Variants in PYGL observed in about 807,000 individuals in gnomAD.
The protein encoded by PYGL is glycogen phosphorylase L, also known as glycogen phosphorylase, liver form.
A neutral mutation model predicts 100.1 loss-of-function variants in PYGL; 90 were observed. The observed-to-expected ratio is 0.90, with a 90% CI of 0.76 to 1.07. The LOEUF (loss-of-function observed/expected upper bound fraction) is 1.07. PYGL is among the 50% of genes least tolerant of loss of function. The pLI is 0.00. For missense variants in PYGL, 1,016 were observed against 1,057.6 expected (o/e 0.96, Z 0.55); for synonymous variants, 373 against 393.0 (o/e 0.95, Z 0.60).
intron 4 of PYGL, among the ~76,000 whole-genome samples, chr14:50,928,651 G>A (rs540035430): frequency 6.9e-6 from 1 of 144,960 alleles, no homozygotes; most frequent in East Asian, 2.1e-4. Flanking sequence ...ATTTCAGGGG[G>A]TGCACGATGA....
intron 2 of PYGL, among the ~76,000 whole-genome samples, chr14:50,936,821 G>A (rs1214047449): frequency 2.0e-5 from 3 of 151,968 alleles, no homozygotes; most frequent in African/African-American, 7.3e-5. Flanking sequence ...TATAAATTTT[G>A]AGCAAGTAGA....
chr14:50,935,090 C>T lies in PYGL; in HGVS notation c.424+17G>A, dbSNP rs2050642391. Reference sequence around the variant, plus strand: ...TCAATCGGCCAGACAATATAATACACTCACAATGTCACTTACCAGCAAGTC... The same window carrying T: ...TCAATCGGCCAGACAATATAATACATTCACAATGTCACTTACCAGCAAGTC... On this transcript the variant is annotated intron_variant, in intron 3 of 19. Transcript: ENST00000216392. The T allele has an allele frequency of 6.3e-7, 1 of 1,592,316 alleles. No individual in the cohort carries two copies. Among genetic ancestry groups the T allele is most frequent in the Admixed American group, 1.7e-5 (1 of 59,992 alleles).
At chr14:50,919,193 AGG>A (rs2050479373) in intron 7 of PYGL, among the ~76,000 whole-genome samples, 1 of 152,232 alleles carries the variant, frequency 6.6e-6, no homozygotes, top group South Asian at 2.1e-4. Flanking sequence ...TACTGAAGAC[AGG>A]AGGATGAATT....
intron 5 of PYGL, chr14:50,921,457 A>G (rs1464344227): frequency 5.5e-6 from 1 of 183,260 alleles, no homozygotes; most frequent in African/African-American, 2.4e-5. Flanking sequence ...GCAGTGGTGC[A>G]ATCTCGGCTC....
intron 17 of PYGL, among the ~76,000 whole-genome samples, chr14:50,909,411 A>G (rs1289855072): frequency 6.6e-6 from 1 of 152,208 alleles, no homozygotes; most frequent in Non-Finnish European, 1.5e-5. Context: ...AGTACTCTTT[A>G]TTTTGTGCTT....
chr14:50,917,956 C>T (rs2050469019), intron 7 of PYGL, among the ~76,000 whole-genome samples: 1 of 152,052 alleles, frequency 6.6e-6, no homozygotes, highest in Non-Finnish European at 1.5e-5. Flanking sequence ...TGACTAATAT[C>T]CAGAATCTAC....
intron 2 of PYGL, among the ~76,000 whole-genome samples, chr14:50,936,488 A>G (rs2050654009): frequency 6.6e-6 from 1 of 152,192 alleles, no homozygotes; most frequent in Non-Finnish European, 1.5e-5. Flanking sequence ...AACACTCAGA[A>G]TTTTTAAATT....
chr14:50,916,530 G>T, intron 9 of PYGL, 112 bp downstream of exon 9: 2 of 988,020 alleles, frequency 2.0e-6, no homozygotes, highest in South Asian at 2.7e-5. Flanking sequence ...TTTAACTGTT[G>T]AAAGTTAGCA....
At chr14:50,944,026 G>T (rs962466118) in intron 1 of PYGL, 135 bp downstream of exon 1, 2 of 1,220,564 alleles carry the variant, frequency 1.6e-6, no homozygotes, top group Non-Finnish European at 2.3e-6. Context: ...GCCTAGACAC[G>T]TCTCCTCTGG....
At chr14:50,944,078 GT>G in intron 1 of PYGL, 82 bp downstream of exon 1, 1 of 1,484,636 alleles carries the variant, frequency 6.7e-7, no homozygotes, top group Non-Finnish European at 9.1e-7. Context: ...ACTCTGAGGG[GT>G]TCTCCACCTC....
intron 4 of PYGL, among the ~76,000 whole-genome samples, chr14:50,928,887 AT>A (rs2050578790): frequency 6.6e-6 from 1 of 152,146 alleles, no homozygotes; most frequent in Admixed American, 6.5e-5. Flanking sequence ...TTTTTATGGT[AT>A]GATATATTTT....
intron 2 of PYGL, among the ~76,000 whole-genome samples, chr14:50,936,285 C>T (rs1468123287): frequency 1.3e-5 from 2 of 152,106 alleles, no homozygotes; most frequent in African/African-American, 2.4e-5. Context: ...GTGGAAGATG[C>T]ACCAGTGCTT....
At chr14:50,917,525 G>A (rs1458459324) in intron 7 of PYGL, among the ~76,000 whole-genome samples, 1 of 152,218 alleles carries the variant, frequency 6.6e-6, no homozygotes, top group African/African-American at 2.4e-5. Context: ...GGGAAGAAGT[G>A]AAGGAAAAGG....
intron 3 of PYGL, among the ~76,000 whole-genome samples, chr14:50,934,406 G>T (rs2050633331): frequency 6.6e-6 from 1 of 152,056 alleles, no homozygotes; most frequent in Non-Finnish European, 1.5e-5. Context: ...ACAAGGATGT[G>T]AATTGAGAAG....
intron 4 of PYGL, among the ~76,000 whole-genome samples, chr14:50,925,673 C>G (rs1435059902): frequency 6.6e-6 from 1 of 152,192 alleles, no homozygotes; most frequent in Non-Finnish European, 1.5e-5. Context: ...TACAAGTTCA[C>G]TTATTCAAAT....
chr14:50,911,655 G>C, intron 16 of PYGL, 75 bp downstream of exon 16: 1 of 1,568,286 alleles, frequency 6.4e-7, no homozygotes, highest in East Asian at 2.2e-5. Context: ...CTGGAGGTTG[G>C]CTGCCCCATC....
intron 15 of PYGL, 34 bp downstream of exon 15, chr14:50,911,944 G>C: frequency 1.2e-6 from 2 of 1,612,686 alleles, no homozygotes; most frequent in Non-Finnish European, 1.7e-6. Flanking sequence ...AGAGATTAGA[G>C]CCCTCAAGTC....
At chr14:50,914,651 C>T in intron 12 of PYGL, 50 bp downstream of exon 12, 1 of 1,432,622 alleles carries the variant, frequency 7.0e-7, no homozygotes, top group African/African-American at 1.4e-5. Context: ...TAGTCATATG[C>T]CTCTTGCATT....
At chr14:50,915,601 T>C in intron 10 of PYGL, 102 bp from the exon 11 acceptor site, 1 of 1,483,100 alleles carries the variant, frequency 6.7e-7, no homozygotes, top group Admixed American at 1.8e-5. Context: ...GTACTCAATA[T>C]AAACTTCACT....
Sources: gnomAD v4.1 joint callset for allele counts (sites outside exome capture counted in the v4.1 genomes callset) on GRCh38, gnomAD v4.1.1 for gene constraint, MANE v1.5 for transcripts, NCBI Gene and HGNC (gene_info 2026-07-23, HGNC 2026-07-21) for gene names.